SORCS3: variants seen among roughly 807,000 people sequenced by gnomAD.
SORCS3 encodes the protein sortilin related VPS10 domain containing receptor 3, also known as VPS10 domain-containing receptor SorCS3.
A neutral mutation model predicts 146.3 loss-of-function variants in SORCS3; 57 were observed. The ratio of observed to expected loss-of-function variants is 0.39; its 90% CI spans 0.31 to 0.49. SORCS3 has a LOEUF of 0.49. Among genes scored for constraint, SORCS3 ranks in the 20% least tolerant of loss-of-function variants. SORCS3 has a pLI of 0.92. For synonymous variants in SORCS3, 653 were observed against 618.5 expected, an observed-to-expected ratio of 1.06 and a Z score of -0.83; for missense variants, 1,341 against 1,575.5, an observed-to-expected ratio of 0.85 and a Z score of 2.52.
chr10:104,763,547 G>C (rs756727143), intron 1 of SORCS3, among the ~76,000 whole-genome samples: 1 of 152,150 alleles, frequency 6.6e-6, no homozygotes, highest in Non-Finnish European at 1.5e-5. Flanking sequence ...TGTATTGATA[G>C]CTGGGAATAA....
Position 104,722,473 on chromosome 10 carries a change from C to G in SORCS3, c.627+80519C>G, listed in dbSNP as rs148133998. ...TTGTGTCTCACCCTGGCTTTGGTAT[C>G]GGGATGATGCTGGCCTCATAAAATG... On this transcript the variant is annotated intron_variant, in intron 1 of 26. Coordinates refer to ENST00000369701, the MANE Select transcript of SORCS3 (RefSeq NM_014978.3). Among the ~76,000 whole-genome samples the G allele has an allele frequency of 5.3e-5, 8 of 152,120 alleles. No individual in the cohort carries two copies. In the East Asian group the frequency reaches 5.8e-4, roughly 11 times the overall value.
intron 2 of SORCS3, among the ~76,000 whole-genome samples, chr10:104,878,459 G>A (rs1380887991): frequency 6.6e-6 from 1 of 152,130 alleles, no homozygotes; most frequent in Non-Finnish European, 1.5e-5. Context: ...GGTACTTGAT[G>A]TTCAAGAAGA....
chr10:105,225,935 A>G (rs1206227060), intron 20 of SORCS3, among the ~76,000 whole-genome samples: 3 of 151,884 alleles, frequency 2.0e-5, no homozygotes, highest in Non-Finnish European at 4.4e-5. Flanking sequence ...ACTTTACTGA[A>G]TTTGTTGATC....
rs17118090 is a variant in SORCS3, at chr10:105,006,724, G to A, written c.954+29231G>A. Reference sequence around the variant, plus strand: ...CACAGTCCTGTCTTGCACTGTTTGGGATATGATTATCCACTTGGTTCAAGT... The same window carrying A: ...CACAGTCCTGTCTTGCACTGTTTGGAATATGATTATCCACTTGGTTCAAGT... On this transcript the variant is annotated intron_variant, in intron 4 of 26. Coordinates refer to ENST00000369701, the MANE Select transcript of SORCS3 (RefSeq NM_014978.3). Among the ~76,000 whole-genome samples, 378 of 152,262 alleles carry A rather than the reference G, an allele frequency of 2.5e-3. 2 individuals are homozygous for A. Among genetic ancestry groups the A allele is most frequent in the African/African-American group, 8.5e-3 (351 of 41,534 alleles).
chr10:104,725,854 G>C (rs370692317), intron 1 of SORCS3, among the ~76,000 whole-genome samples: 107 of 152,340 alleles, frequency 7.0e-4, no homozygotes, highest in African/African-American at 2.5e-3. Context: ...GAGTGACCCG[G>C]TTTTCCAGGT....
intron 7 of SORCS3, among the ~76,000 whole-genome samples, chr10:105,127,727 A>G (rs11192325): frequency 0.51 from 77,378 of 152,000 alleles, 19,989 homozygotes; most frequent in Admixed American, 0.55. Flanking sequence ...TCTAATTTGG[A>G]ACAACAGCTG....
intron 2 of SORCS3, among the ~76,000 whole-genome samples, chr10:104,857,179 A>G (rs772156309): frequency 6.6e-6 from 1 of 151,174 alleles, no homozygotes; most frequent in Non-Finnish European, 1.5e-5. Context: ...AATGGTTAGG[A>G]GGCAGTGGAG....
chr10:104,999,571 G>A (rs2055048631), intron 4 of SORCS3, among the ~76,000 whole-genome samples: 1 of 152,072 alleles, frequency 6.6e-6, no homozygotes. Flanking sequence ...TCAAATAGAT[G>A]TCCTTAATAC....
intron 1 of SORCS3, among the ~76,000 whole-genome samples, chr10:104,710,364 C>T (rs892070540): frequency 6.6e-6 from 1 of 152,156 alleles, no homozygotes; most frequent in Non-Finnish European, 1.5e-5. Flanking sequence ...TCATGTATCA[C>T]ATATTTCTTA....
intron 2 of SORCS3, among the ~76,000 whole-genome samples, chr10:104,888,484 T>C (rs1210952940): frequency 6.6e-6 from 1 of 152,236 alleles, no homozygotes; most frequent in African/African-American, 2.4e-5. Context: ...CTACATGTGC[T>C]ACCAATGCAA....
At chr10:105,133,765 G>A (rs887671997) in intron 7 of SORCS3, among the ~76,000 whole-genome samples, 4 of 151,988 alleles carry the variant, frequency 2.6e-5, no homozygotes, top group African/African-American at 9.7e-5. Context: ...ACCAGCCTGG[G>A]CAACAGAGGG....
rs2056715272 is a variant in SORCS3, at chr10:105,223,243, C to T, written c.2862C>T (p.Ser954=). Residue 954 remains serine (S), a synonymous_variant, in exon 20 of 27, where the codon AGC becomes AGT. Coordinates refer to ENST00000369701, the MANE Select transcript of SORCS3 (RefSeq NM_014978.3). The part of the protein sequence containing the change: ...TLTYFWWFGN[S]TKPLITLDSS... ...CCTATTTCTGGTGGTTCGGCAATAG[C>T]ACAAAGGTTTGGCCCTTTCTGATTG... 2.5e-6 allele frequency: 4 copies of T among 1,610,720 alleles called. No individual in the cohort carries two copies. The highest frequency in any genetic ancestry group is 3.4e-6 in the Non-Finnish European group (4 of 1,177,670).
At chr10:104,873,035 A>G (rs1351069228) in intron 2 of SORCS3, among the ~76,000 whole-genome samples, 1 of 152,218 alleles carries the variant, frequency 6.6e-6, no homozygotes, top group Non-Finnish European at 1.5e-5. Context: ...CCCACACAGT[A>G]AATGTGTCAA....
chr10:105,223,171 G>T lies in SORCS3; in HGVS notation c.2790G>T (p.Glu930Asp). The change falls in exon 20 of 27, where the codon GAG becomes GAT. Residue 930 changes from glutamate to aspartate, a missense_variant. Glu to Asp is a conservative substitution (Grantham distance 45). Transcript: ENST00000369701. ...CATTTGTTGCCATAAGAAATAAGGAGGTCAACATCAGTGCAGTCGTGTGGC... is the reference window on the plus strand; with the variant it reads ...CATTTGTTGCCATAAGAAATAAGGATGTCAACATCAGTGCAGTCGTGTGGC... ...RVPFVAIRNK[E>D]VNISAVVWPS... 1 of 1,613,046 alleles carries T rather than the reference G, an allele frequency of 6.2e-7. No homozygotes were observed. The highest frequency in any genetic ancestry group is 8.5e-7 in the Non-Finnish European group (1 of 1,179,244).
chr10:105,188,934 T>C (rs752253483), intron 14 of SORCS3, among the ~76,000 whole-genome samples: 7 of 152,150 alleles, frequency 4.6e-5, no homozygotes, highest in African/African-American at 9.7e-5. Flanking sequence ...GTAGAGGAGA[T>C]GGTGTATGAC....
At chr10:104,687,538 CCT>C (rs907901219) in intron 1 of SORCS3, among the ~76,000 whole-genome samples, 3 of 152,050 alleles carry the variant, frequency 2.0e-5, no homozygotes, top group African/African-American at 4.8e-5. Context: ...GAATTTCTTC[CCT>C]GAGTGTGTTT....
intron 3 of SORCS3, among the ~76,000 whole-genome samples, chr10:104,942,307 C>A (rs370703898): frequency 1.7e-4 from 26 of 152,106 alleles, no homozygotes; most frequent in African/African-American, 6.3e-4. Context: ...TGAAAGGAAT[C>A]GTAATTAAAT....
intron 5 of SORCS3, among the ~76,000 whole-genome samples, chr10:105,086,707 C>G (rs779036892): frequency 6.6e-6 from 1 of 152,126 alleles, no homozygotes; most frequent in Non-Finnish European, 1.5e-5. Flanking sequence ...CTGCCAGTGA[C>G]CTTAGGGAGA....
chr10:104,740,516 C>T (rs1479938031), intron 1 of SORCS3, among the ~76,000 whole-genome samples: 2 of 152,076 alleles, frequency 1.3e-5, no homozygotes, highest in Non-Finnish European at 2.9e-5. Context: ...CTGGCTTTGT[C>T]CTTCACAGCA....
Sources: gnomAD v4.1 joint callset for allele counts (sites outside exome capture counted in the v4.1 genomes callset) on GRCh38, gnomAD v4.1.1 for gene constraint, MANE v1.5 for transcripts, NCBI Gene and HGNC (gene_info 2026-07-23, HGNC 2026-07-21) for gene names.